KLRD1: variants seen among roughly 807,000 people sequenced by gnomAD.
KLRD1 encodes natural killer cells antigen CD94.
KLRD1 carries 21 observed loss-of-function variants against 22.6 expected under a neutral mutation model. The ratio of observed to expected loss-of-function variants is 0.93; its 90% CI spans 0.66 to 1.34. The LOEUF (loss-of-function observed/expected upper bound fraction) is 1.34, where lower values mean the gene tolerates loss of function less well. Among genes scored for constraint, KLRD1 ranks in the 40% most tolerant of loss-of-function variants. The pLI is 0.00. For synonymous variants in KLRD1, 59 were observed against 71.1 expected, an observed-to-expected ratio of 0.83 and a Z score of 0.85; for missense variants, 183 against 208.6, an observed-to-expected ratio of 0.88 and a Z score of 0.76.
At chr12:10,239,737 G>T (rs1208961091) in intron 1 of KLRD1, among the ~76,000 whole-genome samples, 2 of 151,422 alleles carry the variant, frequency 1.3e-5, no homozygotes, top group African/African-American at 4.9e-5. Context: ...CACTTCCCGG[G>T]TTCAGGCGAT....
chr12:10,274,085 C>A (rs994895626), intron 1 of KLRD1, among the ~76,000 whole-genome samples: 2 of 150,298 alleles, frequency 1.3e-5, no homozygotes, highest in African/African-American at 4.9e-5. Context: ...GAGTTCGAGA[C>A]CAGCCTGACC....
chr12:10,245,301 T>C (rs1396448773), intron 1 of KLRD1, among the ~76,000 whole-genome samples: 1 of 152,108 alleles, frequency 6.6e-6, no homozygotes, highest in Non-Finnish European at 1.5e-5. Flanking sequence ...GAGGTTGCAA[T>C]GAGCCAAGAT....
chr12:10,275,254 C>T (rs1949582720), intron 1 of KLRD1, among the ~76,000 whole-genome samples: 1 of 152,036 alleles, frequency 6.6e-6, no homozygotes, highest in African/African-American at 2.4e-5. Flanking sequence ...TGCTTGTGTG[C>T]TTAGTTTTTT....
intron 3 of KLRD1, among the ~76,000 whole-genome samples, chr12:10,310,650 C>T (rs994769513): frequency 6.6e-6 from 1 of 152,026 alleles, no homozygotes; most frequent in Non-Finnish European, 1.5e-5. Context: ...CCAGGCATGG[C>T]GGCACGCACC....
intron 1 of KLRD1, among the ~76,000 whole-genome samples, chr12:10,293,168 A>ATATATATATATATG (rs1592066657): frequency 8.2e-4 from 1 of 1,222 alleles, no homozygotes; most frequent in African/African-American, 9.5e-4. Context: ...ATATATATAT[A>ATATATATATATATG]CACATATACA....
chr12:10,273,608 A>G (rs890756868), intron 1 of KLRD1, among the ~76,000 whole-genome samples: 4 of 152,368 alleles, frequency 2.6e-5, no homozygotes, highest in African/African-American at 9.6e-5. Flanking sequence ...AATAAACTTC[A>G]TAACAAAAGC....
At chr12:10,303,324 G>A (rs1949882983), upstream of KLRD1, among the ~76,000 whole-genome samples, 1 of 152,148 alleles carries the variant, frequency 6.6e-6, no homozygotes, top group Non-Finnish European at 1.5e-5. Flanking sequence ...TCATTGAAGG[G>A]CTGGATGATT....
chr12:10,239,563 C>CTT (rs1387991462), intron 1 of KLRD1, among the ~76,000 whole-genome samples: 1 of 117,638 alleles, frequency 8.5e-6, no homozygotes, highest in East Asian at 2.9e-4. Context: ...TTCTTTCTTT[C>CTT]TTTCTTTCTT....
intron 3 of KLRD1, among the ~76,000 whole-genome samples, chr12:10,310,141 TG>T (rs1950025835): frequency 6.6e-6 from 1 of 152,364 alleles, no homozygotes; most frequent in African/African-American, 2.4e-5. Context: ...GATGGAGTTT[TG>T]CTCTTGTCGT....
At chr12:10,268,338 A>AT (rs968581251) in intron 1 of KLRD1, among the ~76,000 whole-genome samples, 1 of 152,072 alleles carries the variant, frequency 6.6e-6, no homozygotes, top group African/African-American at 2.4e-5. Flanking sequence ...GATTTATGTG[A>AT]TTTTTTTCTT....
intron 1 of KLRD1, among the ~76,000 whole-genome samples, chr12:10,263,636 A>G (rs1300472776): frequency 6.6e-6 from 1 of 152,106 alleles, no homozygotes; most frequent in Non-Finnish European, 1.5e-5. Flanking sequence ...ACAAAATCTT[A>G]TAATATTTTA....
intron 5 of KLRD1, among the ~76,000 whole-genome samples, chr12:10,313,931 T>C (rs1950159920): frequency 6.6e-6 from 1 of 152,236 alleles, no homozygotes; most frequent in Non-Finnish European, 1.5e-5. Flanking sequence ...AAAGGTATTA[T>C]ATTTCATCCT....
chr12:10,271,339 T>G (rs1023403638), intron 1 of KLRD1, among the ~76,000 whole-genome samples: 2 of 152,170 alleles, frequency 1.3e-5, no homozygotes, highest in African/African-American at 4.8e-5. Context: ...GAAACATTCT[T>G]TTTCCATGAT....
At chr12:10,294,699 C>T (rs1279446864) in intron 1 of KLRD1, among the ~76,000 whole-genome samples, 1 of 152,158 alleles carries the variant, frequency 6.6e-6, no homozygotes, top group Non-Finnish European at 1.5e-5. Context: ...CTGCACCCGG[C>T]CCCCATTTTG....
At chr12:10,299,357 C>A (rs1949848374) in intron 1 of KLRD1, among the ~76,000 whole-genome samples, 1 of 151,992 alleles carries the variant, frequency 6.6e-6, no homozygotes, top group Non-Finnish European at 1.5e-5. Flanking sequence ...GCTACAATAT[C>A]CTTTGGGTGC....
At chr12:10,295,713 A>G (rs2137671894) in intron 1 of KLRD1, among the ~76,000 whole-genome samples, 1 of 152,330 alleles carries the variant, frequency 6.6e-6, no homozygotes, top group East Asian at 1.9e-4. Flanking sequence ...AAACATTTAC[A>G]ATAAATCAAA....
intron 1 of KLRD1, among the ~76,000 whole-genome samples, chr12:10,268,286 C>T (rs1426337036): frequency 2.0e-5 from 3 of 152,162 alleles, no homozygotes; most frequent in African/African-American, 7.2e-5. Flanking sequence ...ACTAGACATT[C>T]GGTCAACAGA....
At chr12:10,281,604 C>T (rs765922936) in intron 1 of KLRD1, among the ~76,000 whole-genome samples, 13 of 151,164 alleles carry the variant, frequency 8.6e-5, no homozygotes, top group South Asian at 2.1e-4. Context: ...GATTCTCTCC[C>T]GAGACAAAGA....
intron 1 of KLRD1, among the ~76,000 whole-genome samples, chr12:10,267,708 T>C (rs1028963073): frequency 6.6e-6 from 1 of 152,238 alleles, no homozygotes; most frequent in Non-Finnish European, 1.5e-5. Flanking sequence ...GTGCACATGC[T>C]CTATGGCTAG....
Sources: gnomAD v4.1 joint callset for allele counts (sites outside exome capture counted in the v4.1 genomes callset) on GRCh38, gnomAD v4.1.1 for gene constraint, MANE v1.5 for transcripts, NCBI Gene and HGNC (gene_info 2026-07-23, HGNC 2026-07-21) for gene names.